Variants in MTMR2 observed in about 807,000 individuals in gnomAD.
MTMR2 encodes the protein phosphatidylinositol-3,5-bisphosphate 3-phosphatase MTMR2.
MTMR2 carries 55 observed loss-of-function variants against 86.9 expected under a neutral mutation model. The observed-to-expected ratio is 0.63, with a 90% CI of 0.51 to 0.79. The LOEUF is 0.79. MTMR2 is among the 30% of genes least tolerant of loss of function. The pLI, the probability that MTMR2 is intolerant of heterozygous loss-of-function variation, is 0.00. For synonymous variants in MTMR2, 241 were observed against 266.8 expected (o/e 0.90, Z 0.94); for missense variants, 659 against 772.3 (o/e 0.85, Z 1.74).
chr11:95,836,380 A>AG (rs1178148321), intron 13 of MTMR2, 56 bp from the exon 14 acceptor site: 1 of 1,498,006 alleles, frequency 6.7e-7, no homozygotes, highest in Non-Finnish European at 9.2e-7. Context: ...TTTACACTTT[A>AG]GATGAAATTT....
chr11:95,902,621 AT>A (rs1269469830), intron 1 of MTMR2, among the ~76,000 whole-genome samples: 8 of 152,068 alleles, frequency 5.3e-5, no homozygotes, highest in Admixed American at 5.2e-4. Flanking sequence ...CTGTTTCTGA[AT>A]TTTAAGGTTA....
intron 3 of MTMR2, 150 bp from the exon 4 acceptor site, chr11:95,862,516 C>T: frequency 1.4e-6 from 1 of 691,496 alleles, no homozygotes; most frequent in Non-Finnish European, 2.5e-6. Context: ...ATCCTACAAC[C>T]CAAGCTTCCA....
chr11:95,904,964 T>C (rs1410549333), intron 1 of MTMR2, among the ~76,000 whole-genome samples: 1 of 152,180 alleles, frequency 6.6e-6, no homozygotes, highest in Non-Finnish European at 1.5e-5. Context: ...AAAATGCTTT[T>C]GTCAAGGTCA....
At chr11:95,840,106 AG>A (rs1863479470) in intron 12 of MTMR2, 1 of 152,180 alleles carries the variant, frequency 6.6e-6, no homozygotes, top group African/African-American at 2.4e-5. Flanking sequence ...GGGTGCATTC[AG>A]GGTGGTTGGC....
intron 13 of MTMR2, among the ~76,000 whole-genome samples, chr11:95,837,858 C>A (rs1370908869): frequency 1.3e-5 from 2 of 152,040 alleles, no homozygotes; most frequent in African/African-American, 4.8e-5. Context: ...TTAGCAGAAA[C>A]CACTTCCCAC....
chr11:95,895,516 TAA>T (rs1270844044), intron 1 of MTMR2, among the ~76,000 whole-genome samples: 1 of 152,166 alleles, frequency 6.6e-6, no homozygotes, highest in African/African-American at 2.4e-5. Context: ...AAAGCCTGGC[TAA>T]TAAAAGGCAA....
At position 95,838,238 on chromosome 11, in the gene MTMR2, T is replaced by G. The variant is rs140720967; in HGVS notation, c.1480-31A>C. ...AATCAAACATCACAAACACATAAAT[T>G]AAGACATTCTTCAAGCATATTCATC... On this transcript the variant is annotated intron_variant, in intron 12 of 14. Coordinates refer to ENST00000346299, the MANE Select transcript of MTMR2 (RefSeq NM_016156.6). The G allele has an allele frequency of 1.5e-4, 182 of 1,183,380 alleles. No individual in the cohort carries two copies. In the African/African-American group the frequency reaches 2.2e-3, roughly 14 times the overall value. The allele number at this position is 1,183,380 out of a possible 1,614,324, so 73.3% of individuals were successfully genotyped here. A position where few individuals can be genotyped will look rare whatever the true frequency, so the allele number is the denominator to read the frequency against.
chr11:95,923,722 A>G, intron 1 of MTMR2, 153 bp downstream of exon 1: 1 of 1,454,012 alleles, frequency 6.9e-7, no homozygotes, highest in African/African-American at 1.4e-5. Context: ...CGCCCCAGGG[A>G]GGGAGGCAGA....
chr11:95,864,107 T>C (rs1199817704), intron 3 of MTMR2, among the ~76,000 whole-genome samples: 1 of 152,140 alleles, frequency 6.6e-6, no homozygotes, highest in African/African-American at 2.4e-5. Context: ...ATGTTGGGTA[T>C]AAGGTTCCTA....
chr11:95,869,118 G>T (rs1005736718), intron 2 of MTMR2, among the ~76,000 whole-genome samples: 3 of 151,702 alleles, frequency 2.0e-5, no homozygotes, highest in Middle Eastern at 3.2e-3. Flanking sequence ...ACTACGCTCT[G>T]AGTCTTAGTT....
rs147615640 is a variant in MTMR2 at position 95,901,009 on chromosome 11, C to T, written c.81-12748G>A. On this transcript the variant is annotated intron_variant, in intron 1 of 14. Transcript: ENST00000346299. ...GGAATTCTTTGCTCTCTAAGCTTCC[C>T]TTGTCATTAAAATTTACTAGCTTTG... Among the ~76,000 whole-genome samples the T allele has an allele frequency of 3.7e-3, 561 of 152,230 alleles. 1 individual carries two copies. The highest frequency in any genetic ancestry group is 6.8e-3 in the Middle Eastern group (2 of 294).
At chr11:95,863,178 C>G (rs184269586) in intron 3 of MTMR2, among the ~76,000 whole-genome samples, 2 of 152,150 alleles carry the variant, frequency 1.3e-5, no homozygotes, top group East Asian at 3.9e-4. Context: ...CATTATTACA[C>G]CAAATCAGCA....
intron 2 of MTMR2, chr11:95,866,536 A>C (rs1416400860): frequency 2.0e-5 from 3 of 151,914 alleles, no homozygotes; most frequent in African/African-American, 7.3e-5. Flanking sequence ...ATCTAAACAA[A>C]TTCATTCTTT....
chr11:95,900,154 T>C (rs184166311), intron 1 of MTMR2, among the ~76,000 whole-genome samples: 33 of 152,224 alleles, frequency 2.2e-4, no homozygotes, highest in African/African-American at 7.5e-4. Flanking sequence ...GGATGTGGTA[T>C]GTGGAAATAA....
intron 1 of MTMR2, among the ~76,000 whole-genome samples, chr11:95,912,370 A>G (rs890992563): frequency 3.3e-5 from 5 of 151,908 alleles, no homozygotes; most frequent in Non-Finnish European, 5.9e-5. Context: ...TATGAAAAGA[A>G]CAAAAAAGTT....
intron 2 of MTMR2, among the ~76,000 whole-genome samples, chr11:95,876,201 G>C (rs1865105778): frequency 6.6e-6 from 1 of 152,216 alleles, no homozygotes. Context: ...CCCAGAGGTG[G>C]AGTCTTCAGA....
At chr11:95,907,707 A>G (rs374075881) in intron 1 of MTMR2, among the ~76,000 whole-genome samples, 6 of 152,352 alleles carry the variant, frequency 3.9e-5, no homozygotes, top group Admixed American at 2.6e-4. Context: ...GGCTGGTTCA[A>G]TGTGCACAAA....
chr11:95,850,048 T>C (rs1863958729), intron 8 of MTMR2, among the ~76,000 whole-genome samples, 186 bp from the exon 9 acceptor site: 1 of 152,192 alleles, frequency 6.6e-6, no homozygotes, highest in African/African-American at 2.4e-5. Flanking sequence ...GAAAACTTGG[T>C]CTAATTCTTT....
intron 2 of MTMR2, among the ~76,000 whole-genome samples, chr11:95,870,344 T>TA (rs1282999658): frequency 1.1e-4 from 16 of 150,658 alleles, no homozygotes; most frequent in East Asian, 7.8e-4. Flanking sequence ...ACCAGTCATG[T>TA]AAAAAAAAAC....
Sources: allele counts gnomAD v4.1 joint callset (sites outside exome capture counted in the v4.1 genomes callset), GRCh38; gene constraint gnomAD v4.1.1; transcripts MANE v1.5; gene names NCBI Gene and HGNC (gene_info 2026-07-23, HGNC 2026-07-21).